The following SMAP1 variants were observed in gnomAD, a reference collection of about 807,000 sequenced individuals.
SMAP1 encodes the protein small ArfGAP 1, also known as stromal membrane-associated protein 1.
A neutral mutation model predicts 58.5 loss-of-function variants in SMAP1; 24 were observed. The observed-to-expected ratio is 0.41, with a 90% CI of 0.30 to 0.58. SMAP1 has a LOEUF of 0.58. SMAP1 is among the 20% of genes least tolerant of loss of function. The pLI is 0.29. For missense variants in SMAP1, 563 were observed against 566.3 expected (o/e 0.99, Z 0.06); for synonymous variants, 216 against 196.6 (o/e 1.10, Z -0.82).
intron 8 of SMAP1, 114 bp downstream of exon 8, chr6:70,852,778 C>T: frequency 8.0e-7 from 1 of 1,248,672 alleles, no homozygotes; most frequent in Non-Finnish European, 1.1e-6. Flanking sequence ...TAAAAGTCTC[C>T]TGTTCTTTAG....
chr6:70,815,611 T>G (rs1286865117), intron 6 of SMAP1, among the ~76,000 whole-genome samples: 3 of 152,108 alleles, frequency 2.0e-5, no homozygotes, highest in Non-Finnish European at 2.9e-5. Flanking sequence ...CTAAAAACTT[T>G]TAATTCTGTT....
At chr6:70,852,986 A>AG (rs1314971036) in intron 8 of SMAP1, among the ~76,000 whole-genome samples, 1 of 152,224 alleles carries the variant, frequency 6.6e-6, no homozygotes, top group African/African-American at 2.4e-5. Context: ...CCCTTGCTTT[A>AG]GGGAAACAAC....
chr6:70,667,955 A>C lies in SMAP1; in HGVS notation c.-69A>C, dbSNP rs1360448130. On this transcript the variant is annotated 5_prime_UTR_variant, in exon 1 of 11. Coordinates refer to ENST00000370455, the MANE Select transcript of SMAP1 (RefSeq NM_001044305.3). ...GGTCCCGGCGGCGCCAGGTGCGTTC[A>C]CTCTGCCCGGCTCCAGCCAGCGTCC... 2.1e-6 allele frequency: 3 copies of C among 1,402,618 alleles called. No homozygotes were observed. The highest frequency in any genetic ancestry group is 2.9e-6 in the Non-Finnish European group (3 of 1,031,810). The allele number at this position is 1,402,618 out of a possible 1,614,324, so 86.9% of individuals were successfully genotyped here.
At chr6:70,693,030 ACCTC>A in intron 1 of SMAP1, among the ~76,000 whole-genome samples, 1 of 151,926 alleles carries the variant, frequency 6.6e-6, no homozygotes, top group African/African-American at 2.4e-5. Context: ...TGATCTGCCC[ACCTC>A]GGCCTCCCAA....
intron 3 of SMAP1, among the ~76,000 whole-genome samples, chr6:70,760,300 A>T (rs1766695700): frequency 6.6e-6 from 1 of 151,966 alleles, no homozygotes; most frequent in African/African-American, 2.4e-5. Flanking sequence ...TTTCAAACTA[A>T]ATGTTACTCC....
intron 7 of SMAP1, among the ~76,000 whole-genome samples, chr6:70,838,168 AT>A (rs1250175853): frequency 2.0e-5 from 3 of 152,212 alleles, no homozygotes; most frequent in African/African-American, 4.8e-5. Context: ...GTAAAAAAAA[AT>A]CTTAGTAAAA....
chr6:70,688,962 G>T (rs1426084848), intron 1 of SMAP1, among the ~76,000 whole-genome samples: 1 of 151,770 alleles, frequency 6.6e-6, no homozygotes, highest in Non-Finnish European at 1.5e-5. Context: ...ATGATACAAG[G>T]TATGGATCAA....
intron 4 of SMAP1, among the ~76,000 whole-genome samples, chr6:70,775,005 G>C (rs1286321705): frequency 6.8e-6 from 1 of 147,762 alleles, no homozygotes; most frequent in Non-Finnish European, 1.5e-5. Context: ...GTAAGATTCT[G>C]TGTCAAAAAA....
In SMAP1 at chr6:70,811,873, G is replaced by A. The variant is rs567353084; in HGVS notation, c.576+13136G>A. Among the ~76,000 whole-genome samples the A allele has an allele frequency of 1.5e-4, 23 of 152,264 alleles. No individual in the cohort carries two copies. The South Asian group carries it at 1.9e-3, about 12-fold the overall frequency. On this transcript the variant is annotated intron_variant, in intron 6 of 10. Coordinates refer to ENST00000370455, the MANE Select transcript of SMAP1 (RefSeq NM_001044305.3). ...TGCAGAGAATATGTCCCAAGATGTA[G>A]CCAGTGAAACCTTGGGTCGTACCAA...
At chr6:70,732,036 T>C (rs1582079504) in intron 1 of SMAP1, among the ~76,000 whole-genome samples, 1 of 152,216 alleles carries the variant, frequency 6.6e-6, no homozygotes, top group Non-Finnish European at 1.5e-5. Flanking sequence ...GCATATCTTA[T>C]GCATTTAATA....
chr6:70,860,145 C>A, intron 10 of SMAP1, 55 bp from the exon 11 acceptor site: 1 of 1,508,828 alleles, frequency 6.6e-7, no homozygotes, highest in Non-Finnish European at 8.9e-7. Context: ...GCTAAAGAAA[C>A]AAGAATTAAA....
intron 1 of SMAP1, among the ~76,000 whole-genome samples, chr6:70,709,975 G>T (rs1166041423): frequency 6.6e-6 from 1 of 151,650 alleles, no homozygotes; most frequent in African/African-American, 2.4e-5. Flanking sequence ...TAAATTCTGA[G>T]ATATGAGTCA....
intron 3 of SMAP1, among the ~76,000 whole-genome samples, chr6:70,772,639 A>G (rs1415031439): frequency 2.0e-5 from 3 of 152,172 alleles, no homozygotes; most frequent in Non-Finnish European, 4.4e-5. Flanking sequence ...CCCAGTATAA[A>G]TTACTCACTC....
intron 4 of SMAP1, among the ~76,000 whole-genome samples, chr6:70,788,100 C>G (rs1197911858): frequency 1.3e-5 from 2 of 151,666 alleles, no homozygotes; most frequent in Non-Finnish European, 2.9e-5. Flanking sequence ...CGCATATACA[C>G]CATGGAATAC....
At chr6:70,736,406 A>T (rs1204711118) in intron 2 of SMAP1, among the ~76,000 whole-genome samples, 1 of 151,324 alleles carries the variant, frequency 6.6e-6, no homozygotes, top group East Asian at 1.9e-4. Flanking sequence ...CCCCCACCCA[A>T]GATATTATAC....
At chr6:70,846,399 G>C (rs768453531) in intron 7 of SMAP1, among the ~76,000 whole-genome samples, 1 of 152,208 alleles carries the variant, frequency 6.6e-6, no homozygotes, top group Non-Finnish European at 1.5e-5. Context: ...GACTGGTCAT[G>C]GCTCGGGGCT....
At chr6:70,686,369 G>A (rs1766934899) in intron 1 of SMAP1, among the ~76,000 whole-genome samples, 2 of 152,108 alleles carry the variant, frequency 1.3e-5, no homozygotes, top group South Asian at 4.1e-4. Flanking sequence ...AACTTATGTG[G>A]TCTGTGAAGA....
At chr6:70,783,462 G>C (rs1201497520) in intron 4 of SMAP1, among the ~76,000 whole-genome samples, 1 of 152,222 alleles carries the variant, frequency 6.6e-6, no homozygotes, top group African/African-American at 2.4e-5. Context: ...GAATGACTCT[G>C]ACGAGTTGAG....
At chr6:70,822,964 CTCTT>C (rs1421779074) in intron 6 of SMAP1, among the ~76,000 whole-genome samples, 1 of 152,020 alleles carries the variant, frequency 6.6e-6, no homozygotes, top group Non-Finnish European at 1.5e-5. Flanking sequence ...CAATTCTGAT[CTCTT>C]TATTTCTTTT....
Sources: allele counts gnomAD v4.1 joint callset (sites outside exome capture counted in the v4.1 genomes callset), GRCh38; gene constraint gnomAD v4.1.1; transcripts MANE v1.5; gene names NCBI Gene and HGNC (gene_info 2026-07-23, HGNC 2026-07-21).